Variants in HTR2C observed in about 807,000 individuals in gnomAD.
HTR2C encodes the protein 5-hydroxytryptamine receptor 2C.
In HTR2C, 5 loss-of-function variants were observed where a neutral mutation model predicts 21.0. The observed-to-expected ratio is 0.24, with a 90% CI of 0.12 to 0.50. HTR2C has a LOEUF of 0.50. HTR2C is among the 20% of genes least tolerant of loss of function. HTR2C has a pLI of 0.98. For missense variants in HTR2C, 271 were observed against 371.2 expected, an observed-to-expected ratio of 0.73 and a Z score of 2.22; for synonymous variants, 150 against 145.3, an observed-to-expected ratio of 1.03 and a Z score of -0.23.
intron 4 of HTR2C, among the ~76,000 whole-genome samples, chrX:114,781,312 C>A (rs901240865): frequency 9.1e-6 from 1 of 110,372 alleles, no homozygotes; most frequent in East Asian, 2.8e-4. Flanking sequence ...CATAACAAGA[C>A]GCTGACTCTA....
chrX:114,854,436 G>A (rs1556470296), intron 5 of HTR2C, among the ~76,000 whole-genome samples: 1 of 110,632 alleles, frequency 9.0e-6, no homozygotes, highest in Non-Finnish European at 1.9e-5. Flanking sequence ...TATAAATTTA[G>A]GGGGTACAAG....
At chrX:114,721,622 G>A (rs1422528036) in intron 2 of HTR2C, among the ~76,000 whole-genome samples, 1 of 108,187 alleles carries the variant, frequency 9.2e-6, no homozygotes, top group Non-Finnish European at 1.9e-5. Context: ...TAATGCCTAG[G>A]TTTTCTTCTA....
chrX:114,601,465 GAGTGGGGGTCGCAAGGTGCTC>G (rs1928086419), intron 1 of HTR2C, among the ~76,000 whole-genome samples: 1 of 106,699 alleles, frequency 9.4e-6, no homozygotes, highest in Admixed American at 1.0e-4. Context: ...TGGCGGGCAG[GAGTGGGGGTCGCAAGGTGCTC>G]AGTGGGGGTG....
intron 2 of HTR2C, among the ~76,000 whole-genome samples, chrX:114,692,202 T>C (rs1044684419): frequency 7.2e-5 from 8 of 111,557 alleles, no homozygotes; most frequent in African/African-American, 2.3e-4. Flanking sequence ...TCACCAGATA[T>C]CATTACTGAA....
intron 1 of HTR2C, among the ~76,000 whole-genome samples, chrX:114,606,862 G>C (rs2147800041): frequency 9.0e-6 from 1 of 111,201 alleles, no homozygotes; most frequent in South Asian, 3.8e-4. Context: ...TATTTCACCT[G>C]GGTGCAAGTG....
chrX:114,614,336 C>G (rs1166761625), intron 2 of HTR2C, among the ~76,000 whole-genome samples: 5 of 110,121 alleles, frequency 4.5e-5, no homozygotes, highest in African/African-American at 1.7e-4. Context: ...TCTTGGCTCA[C>G]TGCAACCTCC....
At chrX:114,726,795 G>C (rs1933509962) in intron 2 of HTR2C, 63 bp from the exon 3 acceptor site, 1 of 428,829 alleles carries the variant, frequency 2.3e-6, no homozygotes, top group Non-Finnish European at 4.0e-6. Context: ...TTATTTAATT[G>C]GTTACTATGC....
intron 4 of HTR2C, among the ~76,000 whole-genome samples, chrX:114,809,603 C>G (rs9698081): frequency 9.3e-6 from 1 of 107,908 alleles, no homozygotes; most frequent in South Asian, 4.1e-4. Flanking sequence ...AGGCTGGTCT[C>G]GAACTCCTAA....
At chrX:114,661,001 A>G (rs781940971) in intron 2 of HTR2C, among the ~76,000 whole-genome samples, 1 of 112,295 alleles carries the variant, frequency 8.9e-6, no homozygotes, top group Non-Finnish European at 1.9e-5. Context: ...GTTAGTTATT[A>G]GAAGTTAATA....
At position 114,804,349 on chromosome X, in the gene HTR2C, A is replaced by G. The variant is rs188547889; in HGVS notation, c.350-43654A>G. Among the ~76,000 whole-genome samples the G allele has an allele frequency of 2.5e-3, 279 of 111,831 alleles. 1 individual carries two copies. The highest frequency in any genetic ancestry group is 8.7e-3 in the African/African-American group (268 of 30,781). On this transcript the variant is annotated intron_variant, in intron 4 of 5. Transcript: ENST00000276198. Reference sequence around the variant, plus strand: ...CTTAATCTAATAATAATATGCTTCTATTTCTCATAAGGTTGTTGAGATGAC... The same window carrying G: ...CTTAATCTAATAATAATATGCTTCTGTTTCTCATAAGGTTGTTGAGATGAC...
chrX:114,811,272 A>G (rs2070528328), intron 4 of HTR2C, among the ~76,000 whole-genome samples: 1 of 111,573 alleles, frequency 9.0e-6, no homozygotes, highest in Admixed American at 9.5e-5. Context: ...GTTTGAAGTA[A>G]AGAAAGGGCC....
chrX:114,724,434 A>G (rs1231970370), intron 2 of HTR2C, among the ~76,000 whole-genome samples: 2 of 102,033 alleles, frequency 2.0e-5, no homozygotes, highest in Admixed American at 2.3e-4. Context: ...GGGTTTCCTG[A>G]ATGCAACACA....
chrX:114,644,354 AATAAATAAATATAT>A (rs1171562867), intron 2 of HTR2C, among the ~76,000 whole-genome samples: 33 of 18,623 alleles, frequency 1.8e-3, no homozygotes, highest in African/African-American at 4.9e-3. Flanking sequence ...AAAATAAATA[AATAAATAAATATAT>A]ATATATATAT....
At chrX:114,710,368 A>G (rs192415526) in intron 2 of HTR2C, among the ~76,000 whole-genome samples, 3 of 111,759 alleles carry the variant, frequency 2.7e-5, no homozygotes, top group Non-Finnish European at 5.6e-5. Context: ...GACAGGTACA[A>G]TGTTTAATGT....
intron 4 of HTR2C, among the ~76,000 whole-genome samples, chrX:114,833,461 C>A: frequency 9.0e-6 from 1 of 111,464 alleles, no homozygotes; most frequent in Admixed American, 9.5e-5. Context: ...TTATCCATTT[C>A]TGCTAGATTT....
At chrX:114,845,249 T>C (rs1196916378) in intron 4 of HTR2C, among the ~76,000 whole-genome samples, 1 of 109,990 alleles carries the variant, frequency 9.1e-6, no homozygotes, top group African/African-American at 3.3e-5. Context: ...TATGCAAAAA[T>C]TAAACAATAT....
At chrX:114,733,135 C>T (rs1486283769) in intron 4 of HTR2C, among the ~76,000 whole-genome samples, 1 of 111,124 alleles carries the variant, frequency 9.0e-6, no homozygotes, top group East Asian at 2.8e-4. Flanking sequence ...TGGCCGGGCG[C>T]GGTTACTCAC....
At chrX:114,653,394 T>C (rs1451950448) in intron 2 of HTR2C, among the ~76,000 whole-genome samples, 1 of 110,918 alleles carries the variant, frequency 9.0e-6, no homozygotes, top group Non-Finnish European at 1.9e-5. Context: ...TATTTCCTCC[T>C]AGGACATCTT....
chrX:114,587,996 A>G lies in HTR2C; in HGVS notation c.-147+3337A>G, dbSNP rs782324782. On this transcript the variant is annotated intron_variant, in intron 1 of 5. Coordinates refer to ENST00000276198, the MANE Select transcript of HTR2C (RefSeq NM_000868.4). ...CAGGATTTCAAATAAGATATACACAAGATGGAATTTTAATTCTGTTTTTGT... is the reference window on the plus strand; with the variant it reads ...CAGGATTTCAAATAAGATATACACAGGATGGAATTTTAATTCTGTTTTTGT... 2.7e-5 allele frequency among the ~76,000 whole-genome samples: 3 copies of G among 112,558 alleles called. No individual in the cohort carries two copies. In the East Asian group the frequency reaches 8.4e-4, roughly 32 times the overall value.
Sources: allele counts gnomAD v4.1 joint callset (sites outside exome capture counted in the v4.1 genomes callset), GRCh38; gene constraint gnomAD v4.1.1; transcripts MANE v1.5; gene names NCBI Gene and HGNC (gene_info 2026-07-23, HGNC 2026-07-21).